The following SPON1 variants were observed in gnomAD, a reference collection of about 807,000 sequenced individuals.
SPON1 encodes spondin-1.
Under a neutral mutation model 111.7 loss-of-function variants are expected in SPON1, and 52 were observed. That is an observed-to-expected ratio of 0.47 (90% CI 0.37 to 0.59). The LOEUF is 0.59. Ranked by LOEUF, SPON1 falls within the 20% of genes least tolerant of loss-of-function variation. The pLI, the probability that SPON1 is intolerant of heterozygous loss-of-function variation, is 0.00. For synonymous variants in SPON1, 410 were observed against 395.8 expected (o/e 1.04, Z -0.43); for missense variants, 957 against 1,068.5 (o/e 0.90, Z 1.46).
intron 6 of SPON1, among the ~76,000 whole-genome samples, chr11:14,150,015 C>T (rs1167203664): frequency 6.6e-6 from 1 of 152,120 alleles, no homozygotes; most frequent in Non-Finnish European, 1.5e-5. Context: ...GAGACAACTG[C>T]ACTCCCATGT....
At chr11:14,027,533 G>A (rs1161229321) in intron 2 of SPON1, among the ~76,000 whole-genome samples, 3 of 152,190 alleles carry the variant, frequency 2.0e-5, no homozygotes, top group Non-Finnish European at 4.4e-5. Context: ...GGACACAGAA[G>A]GACCTCAGCA....
intron 6 of SPON1, among the ~76,000 whole-genome samples, chr11:14,159,688 G>C (rs782240852): frequency 6.6e-6 from 1 of 152,154 alleles, no homozygotes; most frequent in Non-Finnish European, 1.5e-5. Context: ...ATACACAATG[G>C]AGTACTATTC....
chr11:14,070,519 C>T (rs1848867091), intron 3 of SPON1, among the ~76,000 whole-genome samples: 1 of 152,166 alleles, frequency 6.6e-6, no homozygotes, highest in South Asian at 2.1e-4. Flanking sequence ...GGTGACTTAA[C>T]AGCAGCAATG....
chr11:13,991,410 A>G (rs2618515), intron 2 of SPON1, among the ~76,000 whole-genome samples: 98,899 of 151,950 alleles, frequency 0.65, 32,420 homozygotes, highest in African/African-American at 0.72. Context: ...CTCGTACTGT[A>G]TTTTTCAGCT....
At chr11:14,177,385 C>T (rs902444833) in intron 6 of SPON1, among the ~76,000 whole-genome samples, 4 of 152,000 alleles carry the variant, frequency 2.6e-5, no homozygotes, top group Non-Finnish European at 5.9e-5. Context: ...AACCAGTGAG[C>T]CAGGAGTGCT....
intron 15 of SPON1, 104 bp from the exon 16 acceptor site, chr11:14,265,420 C>T (rs1345475943): frequency 2.3e-6 from 3 of 1,291,010 alleles, no homozygotes; most frequent in Non-Finnish European, 3.2e-6. Flanking sequence ...CATACTTGAG[C>T]AGAGGAGGAG....
intron 4 of SPON1, among the ~76,000 whole-genome samples, chr11:14,077,336 C>G (rs1397471341): frequency 6.6e-6 from 1 of 151,990 alleles, no homozygotes. Flanking sequence ...TTTTAAAAAG[C>G]AAGATAAACA....
intron 5 of SPON1, among the ~76,000 whole-genome samples, chr11:14,120,795 C>CT (rs1218681063): frequency 6.6e-6 from 1 of 152,176 alleles, no homozygotes; most frequent in Non-Finnish European, 1.5e-5. Context: ...GTGCTAAGGG[C>CT]TGTAATATGG....
intron 5 of SPON1, among the ~76,000 whole-genome samples, chr11:14,087,937 T>C (rs1361252422): frequency 6.6e-6 from 1 of 152,194 alleles, no homozygotes; most frequent in Non-Finnish European, 1.5e-5. Flanking sequence ...TTAAAGTCTG[T>C]TTTATCAGAG....
chr11:14,016,953 A>G (rs1194948098), intron 2 of SPON1, among the ~76,000 whole-genome samples: 2 of 152,192 alleles, frequency 1.3e-5, no homozygotes, highest in Non-Finnish European at 2.9e-5. Flanking sequence ...GGATGGGCAC[A>G]GGGCACTCTA....
At position 14,178,045 on chromosome 11, in the gene SPON1, A is replaced by ACACACACACACAC. The variant is rs1848197407; in HGVS notation, c.825+42477_825+42478insCACACACACACAC. 7.0e-5 allele frequency among the ~76,000 whole-genome samples: 10 copies of ACACACACACACAC among 142,706 alleles called. No homozygotes were observed. The South Asian group carries it at 7.0e-4, about 10-fold the overall frequency. The allele number at this position is 142,706 out of a possible 152,430, so 93.6% of individuals were successfully genotyped here. A position where few individuals can be genotyped will look rare whatever the true frequency, so the allele number is the denominator to read the frequency against. On this transcript the variant is annotated intron_variant, in intron 6 of 15. Transcript: ENST00000576479. ...CTCACTGTTGTAAAACACACACACAAACACACACACACACACACACACACA... is the reference window on the plus strand; with the variant it reads ...CTCACTGTTGTAAAACACACACACAACACACACACACACACACACACACACACACACACACACA...
chr11:14,233,758 CTTTT>C (rs10610600), intron 6 of SPON1, among the ~76,000 whole-genome samples: 3 of 96,848 alleles, frequency 3.1e-5, no homozygotes, highest in African/African-American at 1.2e-4. Context: ...GTTTCTTTTT[CTTTT>C]TTTTTTTTTT....
chr11:14,237,900 C>A (rs186256678), intron 6 of SPON1, among the ~76,000 whole-genome samples: 1 of 152,292 alleles, frequency 6.6e-6, no homozygotes, highest in East Asian at 1.9e-4. Flanking sequence ...TTCTCCTGGG[C>A]CACAGTGTGC....
intron 5 of SPON1, among the ~76,000 whole-genome samples, chr11:14,129,266 T>G (rs1223964688): frequency 6.6e-6 from 1 of 152,196 alleles, no homozygotes; most frequent in East Asian, 1.9e-4. Flanking sequence ...AGACCATCTC[T>G]TTGTGAATGC....
rs541380689 is a variant in SPON1 at position 14,141,021 on chromosome 11, G to GCCC, written c.825+5459_825+5461dup. Among the ~76,000 whole-genome samples, 21 of 114,686 alleles carry GCCC rather than the reference G, an allele frequency of 1.8e-4. 2 individuals are homozygous for GCCC. The highest frequency in any genetic ancestry group is 6.5e-4 in the African/African-American group (21 of 32,336). The allele number at this position is 114,686 out of a possible 152,430, so 75.2% of individuals were successfully genotyped here. ...TAAAACATCCACTGTATGCAGGCGT[G>GCCC]CCCCCCCCATGCCCCACTTCTCACT... On this transcript the variant is annotated intron_variant, in intron 6 of 15. Coordinates refer to ENST00000576479, the MANE Select transcript of SPON1 (RefSeq NM_006108.4).
chr11:14,060,247 T>G (rs1471769519), intron 3 of SPON1, among the ~76,000 whole-genome samples: 1 of 152,150 alleles, frequency 6.6e-6, no homozygotes, highest in East Asian at 1.9e-4. Flanking sequence ...AAAATAGAAA[T>G]GATTTGCTAG....
Position 13,966,935 on chromosome 11 carries a change from T to C in SPON1, c.238+3793T>C, listed in dbSNP as rs574420385. 2.6e-5 allele frequency among the ~76,000 whole-genome samples: 4 copies of C among 152,342 alleles called. No individual in the cohort carries two copies. The South Asian group carries it at 8.3e-4, about 32-fold the overall frequency. On this transcript the variant is annotated intron_variant, in intron 1 of 15. Coordinates refer to ENST00000576479, the MANE Select transcript of SPON1 (RefSeq NM_006108.4). ...TGTCACACAGTGGTTGCTAAAAAAA[T>C]ATGTTATGAGATGATTATTTTGGAA...
intron 2 of SPON1, among the ~76,000 whole-genome samples, chr11:14,032,483 G>C (rs1255771528): frequency 6.6e-6 from 1 of 152,120 alleles, no homozygotes; most frequent in African/African-American, 2.4e-5. Flanking sequence ...TTAGGAGAGG[G>C]GTGCACGGCA....
At chr11:14,242,475 G>A (rs1032449135) in intron 6 of SPON1, among the ~76,000 whole-genome samples, 18 of 152,150 alleles carry the variant, frequency 1.2e-4, no homozygotes, top group Non-Finnish European at 2.1e-4. Flanking sequence ...GGCCATACAG[G>A]ACCAGCTGAC....
Sources: allele counts gnomAD v4.1 joint callset (sites outside exome capture counted in the v4.1 genomes callset), GRCh38; gene constraint gnomAD v4.1.1; transcripts MANE v1.5; gene names NCBI Gene and HGNC (gene_info 2026-07-23, HGNC 2026-07-21).